AIM2: variants seen among roughly 807,000 people sequenced by gnomAD.
AIM2 encodes absent in melanoma 2.
In AIM2, 30 loss-of-function variants were observed where a neutral mutation model predicts 27.7. The observed-to-expected ratio is 1.08, with a 90% CI of 0.81 to 1.47. The LOEUF (loss-of-function observed/expected upper bound fraction) is 1.47. AIM2 is among the 40% of genes most tolerant of loss of function. The probability of loss-of-function intolerance (pLI) is 0.00; values close to 1 mark genes in which losing one functional copy is unlikely to be tolerated. For synonymous variants in AIM2, 141 were observed against 145.3 expected, an observed-to-expected ratio of 0.97 and a Z score of 0.21; for missense variants, 358 against 411.3, an observed-to-expected ratio of 0.87 and a Z score of 1.12.
At chr1:159,127,849 T>C (rs1173669169) in intron 1 of AIM2, among the ~76,000 whole-genome samples, 1 of 152,224 alleles carries the variant, frequency 6.6e-6, no homozygotes, top group Non-Finnish European at 1.5e-5. Flanking sequence ...ACCAGGTCTG[T>C]GGCACTTTGT....
At chr1:159,143,699 T>G (rs1241834770), upstream of AIM2, among the ~76,000 whole-genome samples, 1 of 152,068 alleles carries the variant, frequency 6.6e-6, no homozygotes, top group African/African-American at 2.4e-5. Flanking sequence ...GTCCAAAGTA[T>G]CACTGCTTCT....
At chr1:159,105,656 G>A (rs1218496345) in intron 1 of AIM2, among the ~76,000 whole-genome samples, 2 of 152,180 alleles carry the variant, frequency 1.3e-5, no homozygotes, top group Non-Finnish European at 2.9e-5. Context: ...CCCAGAGTGA[G>A]TAGTTCCTAT....
chr1:159,075,607 TATATAG>T (rs1252106223), intron 1 of AIM2, among the ~76,000 whole-genome samples: 207 of 149,726 alleles, frequency 1.4e-3, no homozygotes, highest in African/African-American at 5.0e-3. Flanking sequence ...TATATATATA[TATATAG>T]AGAGAGAGAG....
chr1:159,143,368 T>C (rs1390542248), upstream of AIM2, among the ~76,000 whole-genome samples: 3 of 152,240 alleles, frequency 2.0e-5, no homozygotes, highest in South Asian at 2.1e-4. Flanking sequence ...GTGTCTATTA[T>C]AGACTTGAAA....
Position 159,066,326 on chromosome 1 carries a change from C to G in AIM2, c.400G>C (p.Glu134Gln), listed in dbSNP as rs764042138. ...TGCTGGGCCACCATCTGTTTCTGTT[C>G]AGGCTGAAGACAAGAGAAGAAAGAT... ...APKVSPHVKP[E>Q]QKQMVAQQES... is the part of the protein sequence containing the mutation. The change falls in exon 4 of 6, where the codon GAA becomes CAA. Residue 134 changes from glutamate (E) to glutamine (Q), a missense_variant. Transcript: ENST00000368130. 2 of 1,607,938 alleles carry G rather than the reference C, an allele frequency of 1.2e-6. No individual in the cohort carries two copies. Among genetic ancestry groups the G allele is most frequent in the Admixed American group, 3.4e-5 (2 of 58,640 alleles).
At chr1:159,109,890 C>A (rs1657528799) in intron 1 of AIM2, among the ~76,000 whole-genome samples, 3 of 152,088 alleles carry the variant, frequency 2.0e-5, no homozygotes, top group East Asian at 1.9e-4. Context: ...TGGCCATAAT[C>A]AAAAAATAAA....
chr1:159,073,314 C>G lies in AIM2; in HGVS notation c.186G>C (p.Val62=). The change falls in exon 2 of 6, where the codon GTG becomes GTC. Residue 62 remains valine (V), a synonymous_variant. Transcript: ENST00000368130. ...MIQNAGAVSA[V]MKTIRIFQKL... ...TCTGAAAAATACGAATGGTCTTCAT[C>G]ACTGCAGACACCGCCCCAGCATTTT... 1 of 1,614,166 alleles carries G rather than the reference C, an allele frequency of 6.2e-7. No homozygotes were observed. Among genetic ancestry groups the G allele is most frequent in the Non-Finnish European group, 8.5e-7 (1 of 1,180,018 alleles).
chr1:159,073,471 AAG>A lies in AIM2; in HGVS notation c.27_28del (p.Leu10AlafsTer6). On this transcript the variant is annotated frameshift_variant, in exon 2 of 6. Coordinates refer to ENST00000368130, the MANE Select transcript of AIM2 (RefSeq NM_004833.3). LOFTEE classifies it high-confidence loss of function. Reference sequence around the variant, plus strand: ...AGTGATGTTATCCAGGCCTGTTAGCAAGAGTATCTCCTTGTATTTACTCTCCA... The same window carrying A: ...AGTGATGTTATCCAGGCCTGTTAGCAAGTATCTCCTTGTATTTACTCTCCA... 1 of 1,614,168 alleles carries A rather than the reference AAG, an allele frequency of 6.2e-7. No individual in the cohort carries two copies. The highest frequency in any genetic ancestry group is 8.5e-7 in the Non-Finnish European group (1 of 1,180,016).
rs535992060 is a variant in AIM2, at chr1:159,135,672, C to G, written c.-16+4759G>C. 7.9e-5 allele frequency among the ~76,000 whole-genome samples: 12 copies of G among 152,268 alleles called. No individual in the cohort carries two copies. The East Asian group carries it at 2.3e-3, about 29-fold the overall frequency. Reference sequence around the variant, plus strand: ...TCAAAATAATATAACTTGTTCTAAGCAGTCGGATATTTTGGATGGTACCAT... The same window carrying G: ...TCAAAATAATATAACTTGTTCTAAGGAGTCGGATATTTTGGATGGTACCAT... On this transcript the variant is annotated intron_variant, in intron 1 of 2. Transcript: ENST00000368129.
At chr1:159,128,344 G>A (rs1262050690) in intron 1 of AIM2, among the ~76,000 whole-genome samples, 1 of 151,876 alleles carries the variant, frequency 6.6e-6, no homozygotes, top group African/African-American at 2.4e-5. Context: ...CGAGTGGCCT[G>A]TCCAGAATCC....
At chr1:159,142,282 G>A (rs932464183), upstream of AIM2, among the ~76,000 whole-genome samples, 34 of 152,216 alleles carry the variant, frequency 2.2e-4, no homozygotes, top group Non-Finnish European at 1.8e-4. Flanking sequence ...CAGGCAAGAG[G>A]TACAGGGAGT....
chr1:159,145,401 C>G (rs1397664703), upstream of AIM2, among the ~76,000 whole-genome samples: 1 of 152,192 alleles, frequency 6.6e-6, no homozygotes, highest in African/African-American at 2.4e-5. Context: ...TCCCTCCTAG[C>G]CTGTCAGCCT....
chr1:159,061,904 A>T (rs1655850810), downstream of AIM2, among the ~76,000 whole-genome samples: 1 of 152,200 alleles, frequency 6.6e-6, no homozygotes, highest in Non-Finnish European at 1.5e-5. Context: ...CTACACCAAG[A>T]TCACACAGAT....
intron 1 of AIM2, among the ~76,000 whole-genome samples, chr1:159,105,555 A>G (rs965727540): frequency 4.6e-5 from 7 of 152,138 alleles, no homozygotes; most frequent in Non-Finnish European, 1.0e-4. Context: ...TTTATTGAGT[A>G]ACGGAACATC....
chr1:159,060,293 T>G (rs1322341407), downstream of AIM2, among the ~76,000 whole-genome samples: 9 of 152,238 alleles, frequency 5.9e-5, no homozygotes, highest in Non-Finnish European at 1.3e-4. Context: ...TGAGTCTCTT[T>G]AAAGTTTCAT....
At chr1:159,136,210 T>C (rs1412465800) in intron 1 of AIM2, among the ~76,000 whole-genome samples, 1 of 152,184 alleles carries the variant, frequency 6.6e-6, no homozygotes, top group African/African-American at 2.4e-5. Flanking sequence ...GTTAGAAACA[T>C]GGGCCACAGA....
At chr1:159,089,936 C>G (rs1031026471) in intron 1 of AIM2, among the ~76,000 whole-genome samples, 28 of 152,182 alleles carry the variant, frequency 1.8e-4, no homozygotes, top group Non-Finnish European at 3.1e-4. Context: ...AGTGTTACAG[C>G]TGACACCTGA....
At chr1:159,056,565 A>G in the AIM2 span, among the ~76,000 whole-genome samples, 31 of 151,906 alleles carry the variant, frequency 2.0e-4, no homozygotes, top group Admixed American at 1.6e-3. Flanking sequence ...CTCCAGTTGC[A>G]TGACTGGAGT....
At chr1:159,112,990 G>A (rs1392835622) in intron 1 of AIM2, among the ~76,000 whole-genome samples, 1 of 150,792 alleles carries the variant, frequency 6.6e-6, no homozygotes, top group Non-Finnish European at 1.5e-5. Context: ...TGTCGCCCAG[G>A]CTGGAGTGCA....
Sources: gnomAD v4.1 joint callset for allele counts (sites outside exome capture counted in the v4.1 genomes callset) on GRCh38, gnomAD v4.1.1 for gene constraint, MANE v1.5 for transcripts, NCBI Gene and HGNC (gene_info 2026-07-23, HGNC 2026-07-21) for gene names.